CLIC6: variants seen among roughly 807,000 people sequenced by gnomAD.
CLIC6 encodes the protein chloride intracellular channel protein 6.
CLIC6 carries 39 observed loss-of-function variants against 49.2 expected under a neutral mutation model. That is an observed-to-expected ratio of 0.79 (90% CI 0.61 to 1.04). The LOEUF is 1.04. CLIC6 is among the 50% of genes least tolerant of loss of function. CLIC6 has a pLI of 0.00. For synonymous variants in CLIC6, 446 were observed against 433.4 expected (o/e 1.03, Z -0.36); for missense variants, 988 against 993.1 (o/e 0.99, Z 0.07).
At chr21:34,678,013 C>A (rs1989704921) in intron 1 of CLIC6, among the ~76,000 whole-genome samples, 1 of 151,918 alleles carries the variant, frequency 6.6e-6, no homozygotes. Flanking sequence ...TTTTTGGAAC[C>A]CAGCCATGCT....
chr21:34,679,547 C>G (rs1200651513), intron 1 of CLIC6, among the ~76,000 whole-genome samples: 1 of 152,180 alleles, frequency 6.6e-6, no homozygotes, highest in Non-Finnish European at 1.5e-5. Flanking sequence ...CAGCATTAAC[C>G]TAAAAGTCCA....
Position 34,708,050 on chromosome 21 carries a change from G to T in CLIC6, c.1591G>T (p.Glu531Ter). 1 of 1,614,120 alleles carries T rather than the reference G, an allele frequency of 6.2e-7. No individual in the cohort carries two copies. The highest frequency in any genetic ancestry group is 1.1e-5 in the South Asian group (1 of 91,070). The change falls in exon 3 of 6, where the codon GAG becomes TAG. Residue 531 changes from glutamate to a stop codon, truncating the protein, a stop_gained. Transcript: ENST00000349499. LOFTEE classifies it high-confidence loss of function. ...GAATAAGATCGAGGAGTTCTTAGAG[G>T]AGAAATTAGCTCCCCCGAGGTAGGC... ...DVNKIEEFLE[E>*]KLAPPRYPKL...
rs1989643030 is a variant in CLIC6, at chr21:34,675,362, C to G, written c.1374+4600C>G. Among the ~76,000 whole-genome samples the G allele has an allele frequency of 2.6e-5, 4 of 151,566 alleles. No individual in the cohort carries two copies. In the South Asian group the frequency reaches 8.4e-4, roughly 32 times the overall value. ...CTCCTGGTAGAACGGTAAGCTGTGG[C>G]TCTCTGTGGACATGTCACTGGGAGA... On this transcript the variant is annotated intron_variant, in intron 1 of 5. Coordinates refer to ENST00000349499, the MANE Select transcript of CLIC6 (RefSeq NM_053277.3).
At chr21:34,681,170 GA>G (rs1220889135) in intron 1 of CLIC6, among the ~76,000 whole-genome samples, 1 of 152,242 alleles carries the variant, frequency 6.6e-6, no homozygotes, top group African/African-American at 2.4e-5. Context: ...AATCGTGGCA[GA>G]AGGGGAAGAA....
At chr21:34,712,101 T>C (rs1004219864) in intron 5 of CLIC6, among the ~76,000 whole-genome samples, 2 of 152,118 alleles carry the variant, frequency 1.3e-5, no homozygotes, top group African/African-American at 2.4e-5. Flanking sequence ...GGGTAAGCTT[T>C]AGAGTGAGAT....
In CLIC6 at chr21:34,716,900, A is replaced by AC. The variant is rs75433027; in HGVS notation, c.*418_*419insC. ...CACACACACACACACACACACACAC[A>AC]ATTTCATTCATATATGGTATTGCAT... is the stretch of plus-strand genomic sequence containing the variant. On this transcript the variant is annotated 3_prime_UTR_variant, in exon 6 of 6. Coordinates refer to ENST00000349499, the MANE Select transcript of CLIC6 (RefSeq NM_053277.3). 2.4e-4 allele frequency: 36 copies of AC among 147,106 alleles called. No homozygotes were observed. The highest frequency in any genetic ancestry group is 3.8e-4 in the Non-Finnish European group (26 of 69,122). 9.1% of individuals were successfully genotyped at this position (147,106 alleles called of 1,614,324 possible).
intron 1 of CLIC6, among the ~76,000 whole-genome samples, chr21:34,701,674 A>C (rs1990193282): frequency 6.6e-6 from 1 of 152,204 alleles, no homozygotes; most frequent in Non-Finnish European, 1.5e-5. Context: ...CCTGGCTCCA[A>C]CGCCAGCACC....
Position 34,713,382 on chromosome 21 carries a change from G to A in CLIC6, c.1900-2939G>A, listed in dbSNP as rs137892718. Among the ~76,000 whole-genome samples, 1,012 of 152,278 alleles carry A rather than the reference G, an allele frequency of 6.6e-3. 13 individuals carry two copies. Among genetic ancestry groups the A allele is most frequent in the African/African-American group, 0.022 (915 of 41,554 alleles). On this transcript the variant is annotated intron_variant, in intron 5 of 5. Coordinates refer to ENST00000349499, the MANE Select transcript of CLIC6 (RefSeq NM_053277.3). ...AGGGGATGGAAATCAGGCTGGAAGA[G>A]CTCAAGAAGAAAAGTAAAGACAAAT...
chr21:34,695,290 G>C (rs1281712307), intron 1 of CLIC6, among the ~76,000 whole-genome samples: 2 of 152,150 alleles, frequency 1.3e-5, no homozygotes, highest in Admixed American at 6.5e-5. Flanking sequence ...AACCTGTCCT[G>C]ACCACAGCTG....
intron 5 of CLIC6, 24 bp from the exon 6 acceptor site, chr21:34,716,297 T>G (rs772395526): frequency 1.0e-5 from 16 of 1,605,066 alleles, no homozygotes; most frequent in Non-Finnish European, 1.4e-5. Context: ...TTCCCTTTAC[T>G]GATCATTTTC....
Position 34,696,319 on chromosome 21 carries a change from T to G in CLIC6, c.1375-10961T>G, listed in dbSNP as rs535575432. ...TCCATTTTCTGTCCTAACCACTGTT[T>G]GTACTTTGCACTTTCCACCTGCTTC... is the stretch of plus-strand genomic sequence containing the variant. On this transcript the variant is annotated intron_variant, in intron 1 of 5. Coordinates refer to ENST00000349499, the MANE Select transcript of CLIC6 (RefSeq NM_053277.3). Among the ~76,000 whole-genome samples the G allele has an allele frequency of 2.6e-5, 4 of 152,356 alleles. No individual in the cohort carries two copies. In the South Asian group the frequency reaches 8.3e-4, roughly 32 times the overall value.
chr21:34,678,804 G>T (rs1161488511), intron 1 of CLIC6, among the ~76,000 whole-genome samples: 2 of 152,006 alleles, frequency 1.3e-5, no homozygotes, highest in African/African-American at 4.8e-5. Context: ...TAATACATTG[G>T]AATAGTAAAA....
intron 1 of CLIC6, among the ~76,000 whole-genome samples, chr21:34,688,427 C>T (rs900814683): frequency 4.6e-5 from 7 of 152,230 alleles, no homozygotes; most frequent in East Asian, 1.9e-4. Context: ...GTCTCCTCTG[C>T]GGCTGGCGTT....
chr21:34,695,324 C>T (rs570842767), intron 1 of CLIC6, among the ~76,000 whole-genome samples: 1 of 152,354 alleles, frequency 6.6e-6, no homozygotes, highest in South Asian at 2.1e-4. Flanking sequence ...TTTTCAAGCG[C>T]TCATGTGATG....
Position 34,700,426 on chromosome 21 carries a change from G to A in CLIC6, c.1375-6854G>A, listed in dbSNP as rs1482684565. 5.1e-5 allele frequency among the ~76,000 whole-genome samples: 6 copies of A among 117,700 alleles called. No homozygotes were observed. In the South Asian group the frequency reaches 7.8e-4, roughly 15 times the overall value. The allele number at this position is 117,700 out of a possible 152,430, so 77.2% of individuals were successfully genotyped here. ...CGCGCCACCGCACTCCAGCCTGGGC[G>A]ACAGAGCGAGACTCCGTCTCAAAAA... On this transcript the variant is annotated intron_variant, in intron 1 of 5. Coordinates refer to ENST00000349499, the MANE Select transcript of CLIC6 (RefSeq NM_053277.3).
intron 1 of CLIC6, among the ~76,000 whole-genome samples, chr21:34,706,413 G>A (rs1253100768): frequency 2.0e-5 from 3 of 152,038 alleles, no homozygotes; most frequent in African/African-American, 4.8e-5. Flanking sequence ...CCAATACTGG[G>A]GATTACAATT....
chr21:34,716,006 A>G (rs1444628334), intron 5 of CLIC6, among the ~76,000 whole-genome samples: 1 of 152,240 alleles, frequency 6.6e-6, no homozygotes, highest in African/African-American at 2.4e-5. Context: ...AAAGAAAGTA[A>G]CAGGCAACAC....
At chr21:34,691,516 A>G (rs1486419368) in intron 1 of CLIC6, among the ~76,000 whole-genome samples, 1 of 151,854 alleles carries the variant, frequency 6.6e-6, no homozygotes. Flanking sequence ...GTTTTGGTTT[A>G]GTAATACAGG....
chr21:34,670,436 G>T lies in CLIC6; in HGVS notation c.1048G>T (p.Ala350Ser), dbSNP rs1365852771. 6.8e-7 allele frequency: 1 copy of T among 1,465,810 alleles called. No homozygotes were observed. Among genetic ancestry groups the T allele is most frequent in the Non-Finnish European group, 9.0e-7 (1 of 1,109,920 alleles). 90.8% of individuals were successfully genotyped at this position (1,465,810 alleles called of 1,614,324 possible). ...KGSEEAAPGD[A>S]RADAGEDRVG... ...GTCCGAAGAAGCGGCCCCCGGGGAC[G>T]CAAGGGCAGACGCTGGCGAGGACAG... The change falls in exon 1 of 6, where the codon GCA becomes TCA. Residue 350 changes from alanine (A) to serine (S), a missense_variant. Around this residue, in one of 3 missense-constraint regions of CLIC6, gnomAD observed 647 missense variants for 596.9 expected, o/e 1.08. Transcript: ENST00000349499.
Sources: gnomAD v4.1 joint callset for allele counts (sites outside exome capture counted in the v4.1 genomes callset) on GRCh38, gnomAD v4.1.1 for gene constraint, gnomAD v4.1.1 regional missense constraint, MANE v1.5 for transcripts, NCBI Gene and HGNC (gene_info 2026-07-23, HGNC 2026-07-21) for gene names.